The following ARL13B variants were observed in gnomAD, a reference collection of about 807,000 sequenced individuals.
The protein encoded by ARL13B is ADP-ribosylation factor-like protein 13B.
In ARL13B, 36 loss-of-function variants were observed where a neutral mutation model predicts 56.1. The ratio of observed to expected loss-of-function variants is 0.64; its 90% CI spans 0.49 to 0.85. The LOEUF (loss-of-function observed/expected upper bound fraction) is 0.85, where lower values mean the gene tolerates loss of function less well. ARL13B is among the 40% of genes least tolerant of loss of function. The pLI is 0.00. For missense variants in ARL13B, 519 were observed against 507.1 expected (o/e 1.02, Z -0.23); for synonymous variants, 178 against 171.1 (o/e 1.04, Z -0.32).
chr3:94,019,358 G>C (rs2076400532), intron 3 of ARL13B, among the ~76,000 whole-genome samples: 1 of 151,834 alleles, frequency 6.6e-6, no homozygotes, highest in Admixed American at 6.6e-5. Flanking sequence ...CACCATGCCT[G>C]GCTAATTTTT....
chr3:93,981,736 C>A (rs756304500), intron 1 of ARL13B, among the ~76,000 whole-genome samples: 1 of 151,632 alleles, frequency 6.6e-6, no homozygotes, highest in South Asian at 2.1e-4. Context: ...TAAACGGGCA[C>A]GGTGACGCAC....
At chr3:94,045,169 C>G (rs911305584) in intron 7 of ARL13B, among the ~76,000 whole-genome samples, 2 of 152,058 alleles carry the variant, frequency 1.3e-5, no homozygotes, top group Non-Finnish European at 2.9e-5. Context: ...CTCTCTGAAA[C>G]GTGCTGTGTC....
chr3:94,041,172 T>A (rs918494069), intron 6 of ARL13B, among the ~76,000 whole-genome samples: 4 of 152,134 alleles, frequency 2.6e-5, no homozygotes, highest in Admixed American at 1.3e-4. Context: ...AACATTTTTT[T>A]TTATTATTAC....
rs1213651274 is a variant in ARL13B, at chr3:94,043,048, C to G, written c.832C>G (p.Gln278Glu). ...EGKLEREKKN[Q>E]KMEKDSDGCH... ...AAAACTTGAAAGAGAGAAAAAAAAC[C>G]AAAAAATGGAGAAAGACAGTGATGG... The change falls in exon 7 of 10, where the codon CAA becomes GAA. Residue 278 changes from glutamine to glutamate, a missense_variant. Physicochemically the swap from Gln to Glu is conservative, Grantham distance 29 (BLOSUM62 2). Coordinates refer to ENST00000394222, the MANE Select transcript of ARL13B (RefSeq NM_001174150.2). 1 of 1,607,584 alleles carries G rather than the reference C, an allele frequency of 6.2e-7. No homozygotes were observed. The highest frequency in any genetic ancestry group is 1.3e-5 in the African/African-American group (1 of 74,152).
intron 3 of ARL13B, among the ~76,000 whole-genome samples, chr3:94,016,784 T>A (rs1020132539): frequency 1.3e-5 from 2 of 151,946 alleles, no homozygotes; most frequent in Non-Finnish European, 2.9e-5. Flanking sequence ...GTAGCTGGGA[T>A]TACAGGTGCC....
intron 6 of ARL13B, among the ~76,000 whole-genome samples, chr3:94,040,871 G>T (rs2076849529): frequency 1.3e-5 from 2 of 152,000 alleles, no homozygotes; most frequent in Admixed American, 1.3e-4. Flanking sequence ...AGTACCATGG[G>T]TATAAATTGT....
intron 3 of ARL13B, among the ~76,000 whole-genome samples, chr3:94,018,832 C>A (rs533971301): frequency 7.0e-4 from 106 of 152,198 alleles, no homozygotes; most frequent in African/African-American, 2.3e-3. Flanking sequence ...GTGGTGTGGT[C>A]TCGGCTCACT....
intron 1 of ARL13B, among the ~76,000 whole-genome samples, chr3:93,988,392 C>T (rs540993491): frequency 6.6e-6 from 1 of 152,266 alleles, no homozygotes; most frequent in East Asian, 1.9e-4. Context: ...ACATCCAAGA[C>T]AGTCAAAACT....
chr3:94,014,464 C>G, intron 3 of ARL13B: 1 of 1,604,344 alleles, frequency 6.2e-7, no homozygotes. Context: ...TACAGCTAGT[C>G]CAAATTTCTC....
At position 94,014,740 on chromosome 3, in the gene ARL13B, A is replaced by G. The variant is rs2076292080; in HGVS notation, c.380+10832A>G. 3 of 1,612,970 alleles carry G rather than the reference A, an allele frequency of 1.9e-6. No individual in the cohort carries two copies. Among genetic ancestry groups the G allele is most frequent in the Admixed American group, 1.7e-5 (1 of 59,866 alleles). On this transcript the variant is annotated intron_variant, in intron 3 of 9. Transcript: ENST00000394222. ...CATATCATTTACATCTTCTTCAGAC[A>G]TCTCTTTTCCAGCAACTTCAAGCTG...
At chr3:93,986,227 GA>G (rs1250006519) in intron 1 of ARL13B, among the ~76,000 whole-genome samples, 1 of 152,054 alleles carries the variant, frequency 6.6e-6, no homozygotes, top group African/African-American at 2.4e-5. Flanking sequence ...TTTTAGAGAT[GA>G]AAAAATGGAC....
At chr3:94,049,190 A>T (rs559268436) in intron 7 of ARL13B, among the ~76,000 whole-genome samples, 111 of 152,312 alleles carry the variant, frequency 7.3e-4, no homozygotes, top group African/African-American at 2.6e-3. Flanking sequence ...TTTTTATCAT[A>T]TTCATTGCTC....
intron 1 of ARL13B, among the ~76,000 whole-genome samples, chr3:93,984,492 A>C (rs918246833): frequency 6.6e-6 from 1 of 152,140 alleles, no homozygotes; most frequent in Non-Finnish European, 1.5e-5. Context: ...GGTTGGTCTT[A>C]CTGTCTCAGG....
chr3:94,007,226 C>T (rs1302978221), intron 3 of ARL13B, among the ~76,000 whole-genome samples: 2 of 152,098 alleles, frequency 1.3e-5, no homozygotes, highest in African/African-American at 4.8e-5. Context: ...AGGAAATAAA[C>T]CTAAAGATTA....
intron 1 of ARL13B, among the ~76,000 whole-genome samples, chr3:93,983,611 C>T (rs1710316653): frequency 6.6e-6 from 1 of 152,216 alleles, no homozygotes; most frequent in South Asian, 2.1e-4. Context: ...ATCTCCTTCA[C>T]ATTATAGGGG....
intron 2 of ARL13B, among the ~76,000 whole-genome samples, chr3:94,000,164 G>T (rs1328549396): frequency 6.6e-6 from 1 of 152,182 alleles, no homozygotes; most frequent in South Asian, 2.1e-4. Flanking sequence ...AGCCGATTAT[G>T]CATATCTCTT....
chr3:94,027,613 T>C (rs1316320365), intron 3 of ARL13B, among the ~76,000 whole-genome samples: 1 of 152,068 alleles, frequency 6.6e-6, no homozygotes, highest in Admixed American at 6.5e-5. Context: ...ATAAAAGTCA[T>C]TATTATTTTG....
chr3:94,050,955 C>T lies in ARL13B; in HGVS notation c.1210+63C>T, dbSNP rs1576062249. The T allele has an allele frequency of 3.4e-6, 5 of 1,479,882 alleles. No individual in the cohort carries two copies. The East Asian group carries it at 1.1e-4, about 34-fold the overall frequency. The allele number at this position is 1,479,882 out of a possible 1,614,324, so 91.7% of individuals were successfully genotyped here. The stretch of plus-strand genomic sequence containing the variant: ...CATGTCACATTCACTTTTCTTTAGC[C>T]TTATAATTTCAACAAACTTATGTTT... On this transcript the variant is annotated intron_variant, in intron 9 of 9. Transcript: ENST00000394222.
At chr3:94,010,474 T>C (rs1172963922) in intron 3 of ARL13B, among the ~76,000 whole-genome samples, 1 of 152,106 alleles carries the variant, frequency 6.6e-6, no homozygotes, top group Non-Finnish European at 1.5e-5. Context: ...GCTTTAGTGC[T>C]CATAGTAATT....
Sources: gnomAD v4.1 joint callset for allele counts (sites outside exome capture counted in the v4.1 genomes callset) on GRCh38, gnomAD v4.1.1 for gene constraint, MANE v1.5 for transcripts, NCBI Gene and HGNC (gene_info 2026-07-23, HGNC 2026-07-21) for gene names.